The following DPP9 variants were observed in gnomAD, a reference collection of about 807,000 sequenced individuals.
DPP9 encodes dipeptidyl peptidase 9, also known as dipeptidyl peptidase IV-related protein-2.
DPP9 carries 50 observed loss-of-function variants against 110.7 expected under a neutral mutation model. The observed-to-expected ratio is 0.45, with a 90% CI of 0.36 to 0.57. The LOEUF is 0.57. DPP9 is among the 20% of genes least tolerant of loss of function. The probability of loss-of-function intolerance (pLI) is 0.00; values close to 1 mark genes in which losing one functional copy is unlikely to be tolerated. For synonymous variants in DPP9, 561 were observed against 514.4 expected (o/e 1.09, Z -1.23); for missense variants, 1,022 against 1,217.9 (o/e 0.84, Z 2.39).
intron 1 of DPP9, 171 bp from the exon 2 acceptor site, chr19:4,722,722 G>C (rs781314362): frequency 3.1e-5 from 18 of 589,212 alleles, no homozygotes; most frequent in Non-Finnish European, 4.8e-5. Context: ...ACAGAATCTG[G>C]GAGAGAAGCC....
chr19:4,712,437 C>T (rs1486277213), intron 4 of DPP9, among the ~76,000 whole-genome samples: 1 of 152,080 alleles, frequency 6.6e-6, no homozygotes, highest in Non-Finnish European at 1.5e-5. Flanking sequence ...ATAGTCCCAG[C>T]TACCTGGAGG....
Position 4,705,533 on chromosome 19 carries a change from C to CGT in DPP9, c.426+324_426+325insAC, listed in dbSNP as rs1216153652. On this transcript the variant is annotated intron_variant, in intron 5 of 21. Transcript: ENST00000262960. ...TCAATGCAAAAGGCATTTTTCCTCC[C>CGT]TCAACTATCCCCAGAGAGCCAACAC... Among the ~76,000 whole-genome samples the CGT allele has an allele frequency of 4.6e-5, 7 of 152,360 alleles. No individual in the cohort carries two copies. The East Asian group carries it at 9.6e-4, about 21-fold the overall frequency.
At chr19:4,719,731 G>A in intron 3 of DPP9, 120 bp downstream of exon 3, 1 of 1,168,422 alleles carries the variant, frequency 8.6e-7, no homozygotes, top group Non-Finnish European at 1.2e-6. Flanking sequence ...ACAGTCTTGG[G>A]GACGTGCTGG....
At chr19:4,686,459 A>T (rs1023980750) in intron 16 of DPP9, among the ~76,000 whole-genome samples, 2 of 151,658 alleles carry the variant, frequency 1.3e-5, no homozygotes, top group African/African-American at 4.9e-5. Flanking sequence ...AGCTGGGATT[A>T]CAGGTGCGCG....
intron 21 of DPP9, among the ~76,000 whole-genome samples, chr19:4,677,922 G>A (rs963825423): frequency 6.6e-6 from 1 of 152,168 alleles, no homozygotes. Context: ...GCCTGGGGCC[G>A]CCAGCTGCCT....
At position 4,685,041 on chromosome 19, in the gene DPP9, T is replaced by C; in HGVS notation, c.2032-232A>G. 1.5e-6 allele frequency: 1 copy of C among 675,390 alleles called. No individual in the cohort carries two copies. Among genetic ancestry groups the C allele is most frequent in the South Asian group, 1.5e-5 (1 of 66,468 alleles). The allele number at this position is 675,390 out of a possible 1,614,324, so 41.8% of individuals were successfully genotyped here. ...GGCCACTGTCAGGCTCTTTCTCAGCTGGGCCACTGCCCCAGTCCTGCCTGG... is the reference window on the plus strand; with the variant it reads ...GGCCACTGTCAGGCTCTTTCTCAGCCGGGCCACTGCCCCAGTCCTGCCTGG... On this transcript the variant is annotated intron_variant, in intron 17 of 21. Transcript: ENST00000262960. This position sits in a 1 kb window ranked among gnomAD's most constrained non-coding sequence, Gnocchi z 5.8.
At position 4,713,064 on chromosome 19, in the gene DPP9, G is replaced by A. The variant is rs558282329; in HGVS notation, c.313+1017C>T. ...CTTGGCGATGTCTGAGGACATCTGT[G>A]GTTGTCACCACTGGGATGTGGCTGC... On this transcript the variant is annotated intron_variant, in intron 4 of 21. Coordinates refer to ENST00000262960, the MANE Select transcript of DPP9 (RefSeq NM_139159.5). Among the ~76,000 whole-genome samples, 23 of 152,328 alleles carry A rather than the reference G, an allele frequency of 1.5e-4. No individual in the cohort carries two copies. The South Asian group carries it at 3.5e-3, about 23-fold the overall frequency.
At chr19:4,688,491 C>G (rs777761617) in intron 16 of DPP9, 7 of 385,926 alleles carry the variant, frequency 1.8e-5, no homozygotes, top group Non-Finnish European at 2.7e-5. Context: ...ACCATTTTGG[C>G]AGGGGGTTGG....
chr19:4,709,321 G>A (rs1173924427), intron 4 of DPP9, among the ~76,000 whole-genome samples: 1 of 152,152 alleles, frequency 6.6e-6, no homozygotes, highest in East Asian at 1.9e-4. Flanking sequence ...GTGAAGTACA[G>A]TAGTGACGGA....
At position 4,700,331 on chromosome 19, in the gene DPP9, A is replaced by G; in HGVS notation, c.1013-54T>C. On this transcript the variant is annotated intron_variant, in intron 9 of 21. Coordinates refer to ENST00000262960, the MANE Select transcript of DPP9 (RefSeq NM_139159.5). The surrounding 1 kb of genome is among the most constrained non-coding windows in gnomAD (Gnocchi z 4.3). ...AGGCAGGCATCACCCGTGTGTGCCG[A>G]GAGCCGGCACGGGGGGCCTGGGCTG... 6.7e-7 allele frequency: 1 copy of G among 1,493,792 alleles called. No homozygotes were observed. Among genetic ancestry groups the G allele is most frequent in the Non-Finnish European group, 9.1e-7 (1 of 1,093,768 alleles). 92.5% of individuals were successfully genotyped at this position (1,493,792 alleles called of 1,614,324 possible). A position where few individuals can be genotyped will look rare whatever the true frequency, so the allele number is the denominator to read the frequency against.
intron 1 of DPP9, chr19:4,722,802 C>T: frequency 2.2e-6 from 1 of 453,114 alleles, no homozygotes; most frequent in Non-Finnish European, 3.9e-6. Flanking sequence ...GGTCCACACC[C>T]CCTGGGCTTT....
Position 4,682,626 on chromosome 19 carries a change from A to G in DPP9, c.2474+70T>C. 6.4e-7 allele frequency: 1 copy of G among 1,567,986 alleles called. No individual in the cohort carries two copies. The highest frequency in any genetic ancestry group is 8.6e-7 in the Non-Finnish European group (1 of 1,157,904). ...CCAGCTGGGGCAGGAGGGCACCCTC[A>G]TAGAGACAGCTGGTGCCGGGGTGCA... is the stretch of plus-strand genomic sequence containing the variant. On this transcript the variant is annotated intron_variant, in intron 20 of 21. Transcript: ENST00000262960. The surrounding 1 kb of genome is among the most constrained non-coding windows in gnomAD (Gnocchi z 7.1).
intron 11 of DPP9, among the ~76,000 whole-genome samples, chr19:4,696,639 C>A (rs1357430162): frequency 1.3e-5 from 2 of 151,326 alleles, no homozygotes; most frequent in African/African-American, 4.9e-5. Flanking sequence ...CGTGCCTGTA[C>A]TCGGGAGGCT....
In DPP9 at chr19:4,695,271, G is replaced by A. The variant is rs1599899542; in HGVS notation, c.1353+107C>T. The A allele has an allele frequency of 1.6e-6, 2 of 1,263,750 alleles. No individual in the cohort carries two copies. The allele number at this position is 1,263,750 out of a possible 1,614,324, so 78.3% of individuals were successfully genotyped here. A position where few individuals can be genotyped will look rare whatever the true frequency, so the allele number is the denominator to read the frequency against. The stretch of plus-strand genomic sequence containing the variant: ...GGCCTGAGCTCACTTCTCCACACAA[G>A]GGCAAACACCACCTGCCATTGGCGC... On this transcript the variant is annotated intron_variant, in intron 12 of 21. Transcript: ENST00000262960. This position sits in a 1 kb window ranked among gnomAD's most constrained non-coding sequence, Gnocchi z 4.7.
rs947955405 is a variant in DPP9 at position 4,689,363 on chromosome 19, T to A, written c.1749+207A>T. Among the ~76,000 whole-genome samples, 1 of 152,180 alleles carries A rather than the reference T, an allele frequency of 6.6e-6. No individual in the cohort carries two copies. The highest frequency in any genetic ancestry group is 2.4e-5 in the African/African-American group (1 of 41,456). ...GACGGGCACTGGGGGGCTCCACCAC[T>A]TACTACCCTGGGATTGGTGGTGGGC... On this transcript the variant is annotated intron_variant, in intron 15 of 21. Transcript: ENST00000262960. This position sits in a 1 kb window ranked among gnomAD's most constrained non-coding sequence, Gnocchi z 7.0.
chr19:4,706,128 T>C (rs1238359543), intron 4 of DPP9, among the ~76,000 whole-genome samples, 158 bp from the exon 5 acceptor site: 1 of 151,866 alleles, frequency 6.6e-6, no homozygotes, highest in African/African-American at 2.4e-5. Flanking sequence ...GGATCCTGGG[T>C]TTGCTTAAGT....
chr19:4,679,404 C>A (rs891022632), intron 21 of DPP9: 2 of 214,296 alleles, frequency 9.3e-6, no homozygotes, highest in South Asian at 6.6e-5. Flanking sequence ...CACTCTAGCA[C>A]CCTTCACTGC....
At position 4,684,534 on chromosome 19, in the gene DPP9, C is replaced by T. The variant is rs1378709806; in HGVS notation, c.2178+129G>A. 6 of 1,095,206 alleles carry T rather than the reference C, an allele frequency of 5.5e-6. No individual in the cohort carries two copies. The highest frequency in any genetic ancestry group is 7.8e-6 in the Non-Finnish European group (6 of 770,764). 67.8% of individuals were successfully genotyped at this position (1,095,206 alleles called of 1,614,324 possible). A position where few individuals can be genotyped will look rare whatever the true frequency, so the allele number is the denominator to read the frequency against. ...CTAAAAGGGCGCCTCATTGAGCCTG[C>T]GTCACCCCAGCCAGAAGTGCCCTTC... On this transcript the variant is annotated intron_variant, in intron 18 of 21. Transcript: ENST00000262960. This position sits in a 1 kb window ranked among gnomAD's most constrained non-coding sequence, Gnocchi z 4.8.
chr19:4,685,897 G>T lies in DPP9; in HGVS notation c.1886-126C>A. ...CACCCCCTCTTTTCCTGGGCTTCCC[G>T]AGAGTTGATAATTGAAAAAAACGTT... On this transcript the variant is annotated intron_variant, in intron 16 of 21. Coordinates refer to ENST00000262960, the MANE Select transcript of DPP9 (RefSeq NM_139159.5). This position sits in a 1 kb window ranked among gnomAD's most constrained non-coding sequence, Gnocchi z 5.8. The T allele has an allele frequency of 8.6e-7, 1 of 1,157,310 alleles. No individual in the cohort carries two copies. Among genetic ancestry groups the T allele is most frequent in the Non-Finnish European group, 1.2e-6 (1 of 837,130 alleles). 71.7% of individuals were successfully genotyped at this position (1,157,310 alleles called of 1,614,324 possible).
Sources: gnomAD v4.1 joint callset for allele counts (sites outside exome capture counted in the v4.1 genomes callset) on GRCh38, gnomAD v4.1.1 for gene constraint, Gnocchi (gnomAD v3.1) non-coding constraint, MANE v1.5 for transcripts, NCBI Gene and HGNC (gene_info 2026-07-23, HGNC 2026-07-21) for gene names.